CEP85L: variants seen among roughly 807,000 people sequenced by gnomAD.
CEP85L encodes centrosomal protein of 85 kDa-like.
CEP85L carries 60 observed loss-of-function variants against 100.3 expected under a neutral mutation model. That is an observed-to-expected ratio of 0.60 (90% CI 0.49 to 0.74). CEP85L has a LOEUF of 0.74. Among genes scored for constraint, CEP85L ranks in the 30% least tolerant of loss-of-function variants. The probability of loss-of-function intolerance (pLI) is 0.00; values close to 1 mark genes in which losing one functional copy is unlikely to be tolerated. For synonymous variants in CEP85L, 319 were observed against 322.7 expected, an observed-to-expected ratio of 0.99 and a Z score of 0.12; for missense variants, 973 against 936.2, an observed-to-expected ratio of 1.04 and a Z score of -0.51.
chr6:118,487,275 C>G (rs902027172), intron 6 of CEP85L, among the ~76,000 whole-genome samples: 1 of 152,108 alleles, frequency 6.6e-6, no homozygotes, highest in Non-Finnish European at 1.5e-5. Context: ...TATCAATACA[C>G]AGTTTATCAG....
At chr6:118,558,660 C>CAG (rs369698272) in intron 3 of CEP85L, among the ~76,000 whole-genome samples, 1,525 of 122,234 alleles carry the variant, frequency 0.012, 37 homozygotes, top group African/African-American at 0.044. Context: ...CACACACACA[C>CAG]AGAGAGAGAG....
Position 118,491,877 on chromosome 6 carries a change from G to GA in CEP85L, c.1258-13dup. The GA allele has an allele frequency of 6.4e-7, 1 of 1,563,750 alleles. No individual in the cohort carries two copies. The highest frequency in any genetic ancestry group is 8.6e-7 in the Non-Finnish European group (1 of 1,159,094). On this transcript the variant is annotated splice_polypyrimidine_tract_variant and intron_variant, in intron 5 of 12. Coordinates refer to ENST00000368491, the MANE Select transcript of CEP85L (RefSeq NM_001042475.3). The stretch of plus-strand genomic sequence containing the variant: ...TTCTCATATTGTGGCTGTTAGGAAA[G>GA]AAAAAAAGGAGGTAAGACTTTAAAA...
At chr6:118,615,219 C>CT (rs1430812165) in intron 2 of CEP85L, among the ~76,000 whole-genome samples, 3 of 152,028 alleles carry the variant, frequency 2.0e-5, no homozygotes, top group African/African-American at 7.2e-5. Flanking sequence ...CCTAGGAAGA[C>CT]TTTTTTTGTA....
rs181750166 is a variant in CEP85L at position 118,644,382 on chromosome 6, G to A, written c.73+6815C>T. Among the ~76,000 whole-genome samples the A allele has an allele frequency of 3.3e-5, 5 of 151,902 alleles. No individual in the cohort carries two copies. In the East Asian group the frequency reaches 5.8e-4, roughly 18 times the overall value. On this transcript the variant is annotated intron_variant, in intron 1 of 12. Coordinates refer to ENST00000368491, the MANE Select transcript of CEP85L (RefSeq NM_001042475.3). Reference sequence around the variant, plus strand: ...CCTCTACTGTCTTCTCTATTCTCTCGGTGTGATCCATGACCTTTAAACACC... The same window carrying A: ...CCTCTACTGTCTTCTCTATTCTCTCAGTGTGATCCATGACCTTTAAACACC...
chr6:118,680,094 T>C (rs1330295224), intron 1 of CEP85L, among the ~76,000 whole-genome samples: 1 of 151,666 alleles, frequency 6.6e-6, no homozygotes, highest in African/African-American at 2.4e-5. Context: ...GAGACCAGCC[T>C]GGGCAACACA....
intron 3 of CEP85L, among the ~76,000 whole-genome samples, chr6:118,530,860 CAAA>C (rs34433730): frequency 7.0e-6 from 1 of 143,428 alleles, no homozygotes; most frequent in Non-Finnish European, 1.5e-5. Context: ...GAGATGATTC[CAAA>C]AAAAAAAAAG....
intron 2 of CEP85L, among the ~76,000 whole-genome samples, chr6:118,586,841 C>T (rs983015870): frequency 2.0e-5 from 3 of 152,208 alleles, no homozygotes; most frequent in Non-Finnish European, 2.9e-5. Context: ...AATTGCTATA[C>T]TCACTCTGCT....
At chr6:118,510,677 A>C (rs1295300235) in intron 5 of CEP85L, among the ~76,000 whole-genome samples, 2 of 152,180 alleles carry the variant, frequency 1.3e-5, no homozygotes, top group Non-Finnish European at 2.9e-5. Flanking sequence ...AGTAAAAATC[A>C]CAAACTCAAT....
chr6:118,531,739 C>A (rs900118858), intron 3 of CEP85L, among the ~76,000 whole-genome samples: 5 of 151,906 alleles, frequency 3.3e-5, no homozygotes, highest in African/African-American at 1.2e-4. Context: ...ATACATGCGG[C>A]CAGCAAGCAT....
intron 5 of CEP85L, among the ~76,000 whole-genome samples, chr6:118,506,009 G>C (rs1775633324): frequency 6.6e-6 from 1 of 152,042 alleles, no homozygotes; most frequent in East Asian, 1.9e-4. Context: ...GGGAGATCTT[G>C]GTACTTCCCA....
intron 3 of CEP85L, among the ~76,000 whole-genome samples, chr6:118,557,197 C>T (rs1248384195): frequency 2.0e-5 from 3 of 152,176 alleles, no homozygotes; most frequent in Admixed American, 2.0e-4. Context: ...TGGTAAAACA[C>T]TTCCCATTTA....
At chr6:118,666,737 A>G (rs1776144494) in intron 1 of CEP85L, among the ~76,000 whole-genome samples, 1 of 151,856 alleles carries the variant, frequency 6.6e-6, no homozygotes, top group Non-Finnish European at 1.5e-5. Flanking sequence ...AAATAAGGGC[A>G]GCTTATTATC....
At chr6:118,491,537 G>GA in intron 6 of CEP85L, 149 bp downstream of exon 6, 1 of 1,418,006 alleles carries the variant, frequency 7.1e-7, no homozygotes, top group Non-Finnish European at 9.2e-7. Flanking sequence ...AGACAGCAGA[G>GA]GGCTTCTCAA....
At chr6:118,670,273 T>C (rs1002362318) in intron 1 of CEP85L, among the ~76,000 whole-genome samples, 16 of 151,756 alleles carry the variant, frequency 1.1e-4, no homozygotes, top group African/African-American at 3.6e-4. Context: ...TGCAGGTTTG[T>C]TATATAGATA....
At chr6:118,479,808 A>C in intron 10 of CEP85L, 63 bp downstream of exon 10, 1 of 769,474 alleles carries the variant, frequency 1.3e-6, no homozygotes, top group Non-Finnish European at 2.0e-6. Context: ...TTTTCAGATT[A>C]AATAAGCATT....
chr6:118,655,370 G>A (rs1891712), upstream of CEP85L, among the ~76,000 whole-genome samples: 107,576 of 152,124 alleles, frequency 0.71, 38,751 homozygotes, highest in Non-Finnish European at 0.75. Flanking sequence ...GCCAACAGAT[G>A]AAGTCTTCCA....
At chr6:118,544,516 A>G (rs1042568587) in intron 3 of CEP85L, among the ~76,000 whole-genome samples, 3 of 152,166 alleles carry the variant, frequency 2.0e-5, no homozygotes, top group Non-Finnish European at 1.5e-5. Context: ...CCTTGAAGCC[A>G]CGTAGCATGC....
chr6:118,537,716 T>C, intron 3 of CEP85L: 1 of 985,380 alleles, frequency 1.0e-6, no homozygotes, highest in Non-Finnish European at 1.2e-6. Context: ...CAAAATTCTT[T>C]GGCCTGGACA....
chr6:118,519,186 T>C (rs1398534153), intron 4 of CEP85L, among the ~76,000 whole-genome samples: 1 of 152,044 alleles, frequency 6.6e-6, no homozygotes, highest in Non-Finnish European at 1.5e-5. Context: ...CCAGGTGTGG[T>C]GGCTCATGCC....
Sources: gnomAD v4.1 joint callset for allele counts (sites outside exome capture counted in the v4.1 genomes callset) on GRCh38, gnomAD v4.1.1 for gene constraint, MANE v1.5 for transcripts, NCBI Gene and HGNC (gene_info 2026-07-23, HGNC 2026-07-21) for gene names.